TNFAIP8: variants seen among roughly 807,000 people sequenced by gnomAD.
The protein encoded by TNFAIP8 is TNF alpha induced protein 8.
Under a neutral mutation model 13.3 loss-of-function variants are expected in TNFAIP8, and 7 were observed. The ratio of observed to expected loss-of-function variants is 0.52; its 90% CI spans 0.30 to 0.99. The LOEUF is 0.99. TNFAIP8 is among the 50% of genes least tolerant of loss of function. The probability of loss-of-function intolerance (pLI) is 0.07; values close to 1 mark genes in which losing one functional copy is unlikely to be tolerated. For synonymous variants in TNFAIP8, 94 were observed against 87.6 expected (o/e 1.07, Z -0.41); for missense variants, 258 against 236.9 (o/e 1.09, Z -0.58).
chr5:119,385,973 G>A (rs911542358), intron 1 of TNFAIP8, among the ~76,000 whole-genome samples: 1 of 152,322 alleles, frequency 6.6e-6, no homozygotes, highest in South Asian at 2.1e-4. Flanking sequence ...TGAGGAAGCC[G>A]AGTACCAGTA....
intron 1 of TNFAIP8, 37 bp from the exon 2 acceptor site, chr5:119,392,779 A>T: frequency 6.7e-7 from 1 of 1,489,798 alleles, no homozygotes; most frequent in Non-Finnish European, 8.9e-7. Flanking sequence ...GATATTTACT[A>T]ATTGTTAATT....
At chr5:119,382,407 T>C (rs1169367928) in intron 1 of TNFAIP8, among the ~76,000 whole-genome samples, 2 of 152,244 alleles carry the variant, frequency 1.3e-5, no homozygotes, top group Non-Finnish European at 2.9e-5. Flanking sequence ...CAGTATCTTA[T>C]ACATTATACA....
At chr5:119,320,099 A>G (rs1750010247) in intron 1 of TNFAIP8, among the ~76,000 whole-genome samples, 1 of 152,296 alleles carries the variant, frequency 6.6e-6, no homozygotes, top group South Asian at 2.1e-4. Flanking sequence ...GAGGGGACAC[A>G]GGGGATTCAA....
Position 119,395,036 on chromosome 5 carries a change from A to G in TNFAIP8, c.*1655A>G, listed in dbSNP as rs368859461. ...GATCTGCTCTAACCCATTTCAGCCT[A>G]GAGAGGGTGGTCAGTTTCTCTGACA... On this transcript the variant is annotated 3_prime_UTR_variant, in exon 2 of 2. Coordinates refer to ENST00000504771, the MANE Select transcript of TNFAIP8 (RefSeq NM_014350.4). 5 of 152,224 alleles carry G rather than the reference A, an allele frequency of 3.3e-5. No individual in the cohort carries two copies. The East Asian group carries it at 5.8e-4, about 18-fold the overall frequency. The allele number at this position is 152,224 out of a possible 1,614,324, so 9.4% of individuals were successfully genotyped here.
In TNFAIP8 at chr5:119,398,191, C is replaced by T. The variant is rs1024234651; in HGVS notation, c.*4810C>T. On this transcript the variant is annotated 3_prime_UTR_variant, in exon 2 of 2. Coordinates refer to ENST00000504771, the MANE Select transcript of TNFAIP8 (RefSeq NM_014350.4). The stretch of plus-strand genomic sequence containing the variant: ...ATGGATGGCTGAGGAAATTCTCCGC[C>T]TTCCCTGACATCAGCTGCATAACTG... The T allele has an allele frequency of 1.3e-5, 2 of 152,214 alleles. No homozygotes were observed. The highest frequency in any genetic ancestry group is 1.9e-4 in the East Asian group (1 of 5,194). The allele number at this position is 152,214 out of a possible 1,614,324, so 9.4% of individuals were successfully genotyped here. A position where few individuals can be genotyped will look rare whatever the true frequency, so the allele number is the denominator to read the frequency against.
intron 1 of TNFAIP8, among the ~76,000 whole-genome samples, chr5:119,273,546 G>GTGCCTGAGAAC (rs1748353713): frequency 6.6e-6 from 1 of 152,220 alleles, no homozygotes; most frequent in Non-Finnish European, 1.5e-5. Flanking sequence ...CGAGTTTTAT[G>GTGCCTGAGAAC]TGCCTGAGAA....
Position 119,278,568 on chromosome 5 carries a change from A to T in TNFAIP8, c.1+9661A>T, listed in dbSNP as rs149533174. On this transcript the variant is annotated intron_variant, in intron 1 of 1. Transcript: ENST00000274456. ...CTTAAGGGAAGCTGTGAAAGTGAGT[A>T]TTGGGCATTGAGGGAGAACCTCTAT... Among the ~76,000 whole-genome samples, 401 of 152,104 alleles carry T rather than the reference A, an allele frequency of 2.6e-3. 1 individual carries two copies. The highest frequency in any genetic ancestry group is 9.2e-3 in the African/African-American group (381 of 41,512).
rs1326156549 is a variant in TNFAIP8, at chr5:119,292,683, T to C, written c.1+23776T>C. Among the ~76,000 whole-genome samples, 64 of 36,630 alleles carry C rather than the reference T, an allele frequency of 1.7e-3. 1 individual carries two copies. Among genetic ancestry groups the C allele is most frequent in the East Asian group, 3.5e-3 (1 of 288 alleles). The allele number at this position is 36,630 out of a possible 152,430, so 24.0% of individuals were successfully genotyped here. A position where few individuals can be genotyped will look rare whatever the true frequency, so the allele number is the denominator to read the frequency against. On this transcript the variant is annotated intron_variant, in intron 1 of 1. Coordinates refer to the TNFAIP8 transcript ENST00000274456. ...ATATATATATATATATATATATATA[T>C]ATACACACACACACAATGAAATACT... is the stretch of plus-strand genomic sequence containing the variant.
At chr5:119,276,874 C>A (rs181046507) in intron 1 of TNFAIP8, among the ~76,000 whole-genome samples, 28 of 152,310 alleles carry the variant, frequency 1.8e-4, no homozygotes, top group African/African-American at 6.7e-4. Flanking sequence ...TAGTTGTCCT[C>A]CTTTACACAG....
chr5:119,385,809 C>G (rs1291789569), intron 1 of TNFAIP8, among the ~76,000 whole-genome samples: 1 of 152,166 alleles, frequency 6.6e-6, no homozygotes, highest in African/African-American at 2.4e-5. Context: ...TAAAGAGCAT[C>G]AGAATGTATT....
intron 1 of TNFAIP8, among the ~76,000 whole-genome samples, chr5:119,281,744 G>A (rs528027409): frequency 4.6e-5 from 7 of 152,234 alleles, no homozygotes; most frequent in Admixed American, 1.3e-4. Context: ...TGTACAGGTT[G>A]TTGTATATAT....
chr5:119,357,724 T>G (rs1354694797), intron 1 of TNFAIP8, among the ~76,000 whole-genome samples: 1 of 151,868 alleles, frequency 6.6e-6, no homozygotes, highest in Non-Finnish European at 1.5e-5. Flanking sequence ...CCTCCACTTG[T>G]CATCATTTAC....
intron 1 of TNFAIP8, among the ~76,000 whole-genome samples, chr5:119,372,497 T>C (rs1384542211): frequency 6.6e-6 from 1 of 152,222 alleles, no homozygotes; most frequent in African/African-American, 2.4e-5. Flanking sequence ...GATATGACCG[T>C]AAACCTTGCT....
In TNFAIP8 at chr5:119,396,005, A is replaced by T. The variant is rs577535117; in HGVS notation, c.*2624A>T. 3.3e-5 allele frequency: 5 copies of T among 152,314 alleles called. No homozygotes were observed. Among genetic ancestry groups the T allele is most frequent in the African/African-American group, 1.2e-4 (5 of 41,564 alleles). 9.4% of individuals were successfully genotyped at this position (152,314 alleles called of 1,614,324 possible). On this transcript the variant is annotated 3_prime_UTR_variant, in exon 2 of 2. Coordinates refer to ENST00000504771, the MANE Select transcript of TNFAIP8 (RefSeq NM_014350.4). ...GGACAACTAACGCAGAGTAGTTTGT[A>T]TTATGTGTCGGGCACATTAACTCAT...
rs564517451 is a variant in TNFAIP8 at position 119,356,067 on chromosome 5, C to A, written c.-24C>A. 3 of 1,573,966 alleles carry A rather than the reference C, an allele frequency of 1.9e-6. No homozygotes were observed. Among genetic ancestry groups the A allele is most frequent in the South Asian group, 2.3e-5 (2 of 86,176 alleles). On this transcript the variant is annotated 5_prime_UTR_variant, in exon 1 of 2. Transcript: ENST00000504771. ...CGAGTACATGTGAGCGGTAATCGCC[C>A]CTGCAGCTGGTTATCCTGACATTAT...
chr5:119,298,945 C>T (rs1749271063), intron 1 of TNFAIP8, among the ~76,000 whole-genome samples: 2 of 152,186 alleles, frequency 1.3e-5, no homozygotes, highest in African/African-American at 4.8e-5. Context: ...CAAGCCTTGG[C>T]TTTCAGCTCC....
chr5:119,291,521 A>G (rs1000042573), intron 1 of TNFAIP8, among the ~76,000 whole-genome samples: 4 of 152,262 alleles, frequency 2.6e-5, no homozygotes, highest in Non-Finnish European at 4.4e-5. Flanking sequence ...TTAAAAACTC[A>G]TGGATTATTT....
intron 1 of TNFAIP8, among the ~76,000 whole-genome samples, chr5:119,389,663 A>G (rs142193288): frequency 6.6e-6 from 1 of 151,940 alleles, no homozygotes; most frequent in East Asian, 1.9e-4. Context: ...AAATAAATCT[A>G]CTCATGCATG....
At chr5:119,301,859 C>G (rs1288794914) in intron 1 of TNFAIP8, among the ~76,000 whole-genome samples, 2 of 152,192 alleles carry the variant, frequency 1.3e-5, no homozygotes, top group Non-Finnish European at 2.9e-5. Context: ...GATATTCCCA[C>G]TATACCTTCC....
Sources: gnomAD v4.1 joint callset for allele counts (sites outside exome capture counted in the v4.1 genomes callset) on GRCh38, gnomAD v4.1.1 for gene constraint, MANE v1.5 for transcripts, NCBI Gene and HGNC (gene_info 2026-07-23, HGNC 2026-07-21) for gene names.